Variants in GRM1 observed in about 807,000 individuals in gnomAD.
The protein encoded by GRM1 is metabotropic glutamate receptor 1.
In GRM1, 33 loss-of-function variants were observed where a neutral mutation model predicts 90.9. That is an observed-to-expected ratio of 0.36 (90% CI 0.28 to 0.49). The LOEUF is 0.49. Ranked by LOEUF, GRM1 falls within the 20% of genes least tolerant of loss-of-function variation. The pLI is 0.99. For synonymous variants in GRM1, 700 were observed against 613.2 expected (o/e 1.14, Z -2.09); for missense variants, 1,190 against 1,534.3 (o/e 0.78, Z 3.75).
intron 2 of GRM1, among the ~76,000 whole-genome samples, chr6:146,201,991 A>G (rs1429884406): frequency 1.3e-5 from 2 of 152,228 alleles, no homozygotes; most frequent in African/African-American, 4.8e-5. Flanking sequence ...ATGACTTAGC[A>G]GGTTATTGTT....
At chr6:146,129,666 T>C (rs1776319559) in intron 1 of GRM1, among the ~76,000 whole-genome samples, 1 of 152,162 alleles carries the variant, frequency 6.6e-6, no homozygotes, top group African/African-American at 2.4e-5. Flanking sequence ...AAGGTTGTGA[T>C]TTGATGGCAA....
intron 1 of GRM1, among the ~76,000 whole-genome samples, chr6:146,063,338 A>C (rs991199511): frequency 6.6e-6 from 1 of 152,200 alleles, no homozygotes; most frequent in African/African-American, 2.4e-5. Context: ...ATCGAGTCTC[A>C]TCAATTTGGT....
At chr6:146,148,223 A>C (rs1043361231) in intron 1 of GRM1, among the ~76,000 whole-genome samples, 51 of 152,154 alleles carry the variant, frequency 3.4e-4, no homozygotes, top group Non-Finnish European at 8.8e-5. Context: ...TTTTATTTCA[A>C]ACTTATTTAT....
In GRM1 at chr6:146,371,837, G is replaced by A. The variant is rs75213020; in HGVS notation, c.1602+14143G>A. Among the ~76,000 whole-genome samples, 917 of 152,114 alleles carry A rather than the reference G, an allele frequency of 6.0e-3. 33 individuals are homozygous for A. In the East Asian group the frequency reaches 0.11, roughly 17 times the overall value. ...CTGTATAATACTCCATTGTGTATATGCATTACCTTTTCTTTAAATTCACCT... is the reference window on the plus strand; with the variant it reads ...CTGTATAATACTCCATTGTGTATATACATTACCTTTTCTTTAAATTCACCT... On this transcript the variant is annotated intron_variant, in intron 5 of 7. Transcript: ENST00000282753.
intron 1 of GRM1, among the ~76,000 whole-genome samples, chr6:146,066,390 AG>A (rs1420378147): frequency 6.6e-6 from 1 of 152,178 alleles, no homozygotes. Flanking sequence ...GTTGCTACAA[AG>A]GACAAGATTT....
chr6:146,130,467 T>A (rs1222934979), intron 1 of GRM1, among the ~76,000 whole-genome samples: 1 of 152,116 alleles, frequency 6.6e-6, no homozygotes, highest in Non-Finnish European at 1.5e-5. Flanking sequence ...TAGTTTTATT[T>A]TATATTTTTA....
intron 2 of GRM1, among the ~76,000 whole-genome samples, chr6:146,217,432 A>G (rs1779911103): frequency 6.6e-6 from 1 of 152,234 alleles, no homozygotes; most frequent in African/African-American, 2.4e-5. Flanking sequence ...TCATAAACAT[A>G]GCACAGGTTC....
At chr6:146,095,944 C>T (rs1205244002) in intron 1 of GRM1, among the ~76,000 whole-genome samples, 1 of 152,106 alleles carries the variant, frequency 6.6e-6, no homozygotes, top group Admixed American at 6.6e-5. Context: ...TTTTCCATTT[C>T]AGACATGTTC....
At chr6:146,173,184 T>G (rs1435314588) in intron 2 of GRM1, among the ~76,000 whole-genome samples, 4 of 151,660 alleles carry the variant, frequency 2.6e-5, no homozygotes, top group African/African-American at 9.7e-5. Flanking sequence ...AGGTCAGGAG[T>G]TCAGGACCAG....
chr6:146,157,624 A>T (rs982338930), intron 1 of GRM1, among the ~76,000 whole-genome samples: 4 of 152,228 alleles, frequency 2.6e-5, no homozygotes, highest in African/African-American at 9.6e-5. Flanking sequence ...TTTCTTTTTG[A>T]TTGACACTGA....
At chr6:146,377,678 CTAA>C (rs1776156199) in intron 5 of GRM1, among the ~76,000 whole-genome samples, 1 of 152,168 alleles carries the variant, frequency 6.6e-6, no homozygotes, top group African/African-American at 2.4e-5. Flanking sequence ...TAGCCCAATG[CTAA>C]TCACCAAGAC....
At chr6:146,176,532 G>C (rs1235858420) in intron 2 of GRM1, among the ~76,000 whole-genome samples, 1 of 151,952 alleles carries the variant, frequency 6.6e-6, no homozygotes, top group East Asian at 1.9e-4. Context: ...GTGTTGACTT[G>C]TTCAAGAGTT....
At chr6:146,408,221 C>T (rs927421382) in intron 7 of GRM1, among the ~76,000 whole-genome samples, 1 of 152,100 alleles carries the variant, frequency 6.6e-6, no homozygotes, top group Admixed American at 6.5e-5. Flanking sequence ...AGGGCACCAC[C>T]CTCCTGATCT....
At chr6:146,344,137 C>G (rs1377014857) in intron 3 of GRM1, among the ~76,000 whole-genome samples, 2 of 152,158 alleles carry the variant, frequency 1.3e-5, no homozygotes, top group East Asian at 3.8e-4. Flanking sequence ...TAGCTTTCTC[C>G]TTTTGCGTAT....
At chr6:146,295,069 C>T (rs1295246865) in intron 2 of GRM1, among the ~76,000 whole-genome samples, 2 of 151,960 alleles carry the variant, frequency 1.3e-5, no homozygotes, top group Non-Finnish European at 2.9e-5. Context: ...TGCTGTTTGT[C>T]TTACCTTTCC....
At chr6:146,346,604 A>G (rs1425184650) in intron 3 of GRM1, among the ~76,000 whole-genome samples, 1 of 152,192 alleles carries the variant, frequency 6.6e-6, no homozygotes, top group Non-Finnish European at 1.5e-5. Context: ...CTGGAAGAGC[A>G]TAAAGAAACT....
intron 2 of GRM1, among the ~76,000 whole-genome samples, chr6:146,280,534 G>A (rs1003638744): frequency 6.6e-6 from 1 of 152,096 alleles, no homozygotes; most frequent in African/African-American, 2.4e-5. Flanking sequence ...GCCCAGAATT[G>A]TATAATTTTT....
At chr6:146,372,471 G>A (rs1775938055) in intron 5 of GRM1, among the ~76,000 whole-genome samples, 2 of 151,968 alleles carry the variant, frequency 1.3e-5, no homozygotes, top group Non-Finnish European at 2.9e-5. Context: ...TACTTGATGT[G>A]ATCCCATTTG....
At chr6:146,296,389 C>G (rs775017754) in intron 2 of GRM1, among the ~76,000 whole-genome samples, 1 of 152,074 alleles carries the variant, frequency 6.6e-6, no homozygotes, top group African/African-American at 2.4e-5. Flanking sequence ...TTGACATATC[C>G]GTCACTACAC....
Sources: allele counts gnomAD v4.1 joint callset (sites outside exome capture counted in the v4.1 genomes callset), GRCh38; gene constraint gnomAD v4.1.1; transcripts MANE v1.5; gene names NCBI Gene and HGNC (gene_info 2026-07-23, HGNC 2026-07-21).